The following ZNF280D variants were observed in gnomAD, a reference collection of about 807,000 sequenced individuals.
ZNF280D encodes suppressor of hairy wing homolog 4.
Under a neutral mutation model 94.7 loss-of-function variants are expected in ZNF280D, and 39 were observed. That is an observed-to-expected ratio of 0.41 (90% CI 0.32 to 0.54). The LOEUF (loss-of-function observed/expected upper bound fraction) is 0.54, where lower values mean the gene tolerates loss of function less well. Among genes scored for constraint, ZNF280D ranks in the 20% least tolerant of loss-of-function variants. The probability of loss-of-function intolerance (pLI) is 0.22; values close to 1 mark genes in which losing one functional copy is unlikely to be tolerated. For synonymous variants in ZNF280D, 398 were observed against 377.6 expected (o/e 1.05, Z -0.63); for missense variants, 1,090 against 1,149.3 (o/e 0.95, Z 0.75).
chr15:56,637,589 G>A (rs985232695), intron 20 of ZNF280D, among the ~76,000 whole-genome samples: 15 of 152,078 alleles, frequency 9.9e-5, no homozygotes, highest in African/African-American at 3.6e-4. Flanking sequence ...TGTGCACACA[G>A]TACAGTGCAC....
chr15:56,682,479 T>TAAA lies in ZNF280D; in HGVS notation c.781-3_781-2insTTT. 3.1e-6 allele frequency: 3 copies of TAAA among 982,236 alleles called. No homozygotes were observed. The highest frequency in any genetic ancestry group is 4.7e-5 in the South Asian group (2 of 42,138). The allele number at this position is 982,236 out of a possible 1,614,324, so 60.8% of individuals were successfully genotyped here. A position where few individuals can be genotyped will look rare whatever the true frequency, so the allele number is the denominator to read the frequency against. ...ATTTATCATGTCTGGACAACAATACTGAAAGAGAAAAAAAAAAAAAAAAAA... is the reference window on the plus strand; with the variant it reads ...ATTTATCATGTCTGGACAACAATACTAAAGAAAGAGAAAAAAAAAAAAAAAAAA... On this transcript the variant is annotated splice_region_variant and splice_polypyrimidine_tract_variant and intron_variant, in intron 9 of 21. Transcript: ENST00000267807.
At chr15:56,712,930 G>C (rs572281715) in intron 1 of ZNF280D, among the ~76,000 whole-genome samples, 3 of 151,836 alleles carry the variant, frequency 2.0e-5, no homozygotes, top group African/African-American at 7.3e-5. Context: ...GGTAGAGATG[G>C]GGTTTCACCA....
At chr15:56,696,889 G>C (rs2056778801) in intron 6 of ZNF280D, among the ~76,000 whole-genome samples, 2 of 152,124 alleles carry the variant, frequency 1.3e-5, no homozygotes, top group Non-Finnish European at 2.9e-5. Flanking sequence ...GAGGTGCTTT[G>C]ATTTAAAAAC....
chr15:56,663,441 T>G (rs1416222168), intron 16 of ZNF280D, among the ~76,000 whole-genome samples: 1 of 151,980 alleles, frequency 6.6e-6, no homozygotes, highest in African/African-American at 2.4e-5. Flanking sequence ...GGATAGGAAT[T>G]AAAGGTTCTC....
intron 13 of ZNF280D, among the ~76,000 whole-genome samples, chr15:56,671,346 T>A (rs896560802): frequency 1.7e-4 from 26 of 152,168 alleles, no homozygotes; most frequent in African/African-American, 6.3e-4. Flanking sequence ...TGGGTTAATT[T>A]TGGTGTATGA....
chr15:56,677,349 A>G (rs1426228405), intron 12 of ZNF280D, among the ~76,000 whole-genome samples: 1 of 152,144 alleles, frequency 6.6e-6, no homozygotes, highest in Non-Finnish European at 1.5e-5. Context: ...GTAAGTCCAT[A>G]TGTTTGTTTT....
At chr15:56,636,219 G>C (rs949077884) in intron 20 of ZNF280D, among the ~76,000 whole-genome samples, 19 of 152,172 alleles carry the variant, frequency 1.2e-4, no homozygotes, top group Non-Finnish European at 2.5e-4. Context: ...AAACAGGAAA[G>C]TCATTGGAAG....
chr15:56,721,095 TG>T (rs2058335642), intron 1 of ZNF280D, among the ~76,000 whole-genome samples: 1 of 151,818 alleles, frequency 6.6e-6, no homozygotes, highest in Non-Finnish European at 1.5e-5. Context: ...CCCGAATAAC[TG>T]GGACTACAGG....
chr15:56,680,315 C>T (rs34268556), intron 10 of ZNF280D, among the ~76,000 whole-genome samples: 102 of 152,036 alleles, frequency 6.7e-4, no homozygotes, highest in Non-Finnish European at 1.3e-3. Flanking sequence ...TCTTTGTTCA[C>T]GAGGTGTTTA....
intron 20 of ZNF280D, among the ~76,000 whole-genome samples, chr15:56,637,664 T>C (rs945997839): frequency 6.6e-6 from 1 of 152,146 alleles, no homozygotes; most frequent in Non-Finnish European, 1.5e-5. Flanking sequence ...TATGGACACC[T>C]GGAGAATCCA....
chr15:56,701,269 A>T, intron 4 of ZNF280D, 31 bp from the exon 5 acceptor site: 1 of 1,345,020 alleles, frequency 7.4e-7, no homozygotes, highest in South Asian at 1.4e-5. Flanking sequence ...TTTAAAATAC[A>T]TTGTTTGAAT....
chr15:56,721,771 A>G (rs938364702), intron 1 of ZNF280D, among the ~76,000 whole-genome samples: 9 of 151,894 alleles, frequency 5.9e-5, no homozygotes, highest in Non-Finnish European at 8.8e-5. Context: ...CCAGACCATT[A>G]CAACTTCCTC....
chr15:56,668,075 C>T (rs2054415645), intron 14 of ZNF280D: 1 of 439,970 alleles, frequency 2.3e-6, no homozygotes, highest in Admixed American at 2.5e-5. Context: ...CTCTTGCTAT[C>T]ATGTCTTCAG....
At chr15:56,681,426 C>A (rs1337893728) in intron 10 of ZNF280D, among the ~76,000 whole-genome samples, 2 of 152,054 alleles carry the variant, frequency 1.3e-5, no homozygotes, top group African/African-American at 4.8e-5. Context: ...CATAATAAAG[C>A]AAGTATAGTA....
In ZNF280D at chr15:56,669,881, ATATATAT is replaced by A. The variant is rs1200325661; in HGVS notation, c.1411-931_1411-925del. On this transcript the variant is annotated intron_variant, in intron 13 of 21. Coordinates refer to ENST00000267807, the MANE Select transcript of ZNF280D (RefSeq NM_017661.4). The stretch of plus-strand genomic sequence containing the variant: ...TTATATATATATATATTTTATATAT[ATATATAT>A]TATATATATATATAATATATATATA... Among the ~76,000 whole-genome samples, 34 of 7,860 alleles carry A rather than the reference ATATATAT, an allele frequency of 4.3e-3. 1 individual carries two copies. The highest frequency in any genetic ancestry group is 0.019 in the East Asian group (3 of 154). The allele number at this position is 7,860 out of a possible 152,430, so 5.2% of individuals were successfully genotyped here. A position where few individuals can be genotyped will look rare whatever the true frequency, so the allele number is the denominator to read the frequency against.
At position 56,668,903 on chromosome 15, in the gene ZNF280D, C is replaced by G. The variant is rs780417457; in HGVS notation, c.1465G>C (p.Glu489Gln). 6.2e-7 allele frequency: 1 copy of G among 1,611,866 alleles called. No homozygotes were observed. Among genetic ancestry groups the G allele is most frequent in the African/African-American group, 1.3e-5 (1 of 74,732 alleles). The change falls in exon 14 of 22, where the codon GAG becomes CAG. Residue 489 changes from glutamate (E) to glutamine (Q), a missense_variant. Glu to Gln is a conservative substitution (Grantham distance 29). Transcript: ENST00000267807. ...TGTTGAGTCTTATGATCCATTTTCT[C>G]CTTGCATGTCAAAAACTGCAGCCTG... ...KCRLQFLTCK[E>Q]KMDHKTQHHR...
rs1471660182 is a variant in ZNF280D, at chr15:56,705,717, A to C, written c.28+1365T>G. ...CCTTCAAAATCTGAACTACACTGAT[A>C]ATCAATATCATGCAATTCAAGATTT... On this transcript the variant is annotated intron_variant, in intron 3 of 21. Coordinates refer to ENST00000267807, the MANE Select transcript of ZNF280D (RefSeq NM_017661.4). Among the ~76,000 whole-genome samples the C allele has an allele frequency of 5.9e-5, 9 of 152,246 alleles. No homozygotes were observed. In the East Asian group the frequency reaches 7.7e-4, roughly 13 times the overall value.
At chr15:56,683,308 T>C (rs1214287818) in intron 9 of ZNF280D, among the ~76,000 whole-genome samples, 4 of 152,072 alleles carry the variant, frequency 2.6e-5, no homozygotes, top group African/African-American at 9.7e-5. Context: ...TATCCTTGCT[T>C]ATCCAAAAAA....
At chr15:56,675,305 A>G (rs1767294380) in intron 13 of ZNF280D, among the ~76,000 whole-genome samples, 1 of 152,026 alleles carries the variant, frequency 6.6e-6, no homozygotes, top group South Asian at 2.1e-4. Context: ...CCCATCGTGA[A>G]CTAGAGCTAC....
Sources: gnomAD v4.1 joint callset for allele counts (sites outside exome capture counted in the v4.1 genomes callset) on GRCh38, gnomAD v4.1.1 for gene constraint, MANE v1.5 for transcripts, NCBI Gene and HGNC (gene_info 2026-07-23, HGNC 2026-07-21) for gene names.